ABCA13: variants seen among roughly 807,000 people sequenced by gnomAD.
ABCA13 encodes ATP binding cassette subfamily A member 13.
A neutral mutation model predicts 478.7 loss-of-function variants in ABCA13; 476 were observed. The ratio of observed to expected loss-of-function variants is 0.99; its 90% CI spans 0.92 to 1.07. The LOEUF is 1.07. ABCA13 is among the 50% of genes least tolerant of loss of function. The probability of loss-of-function intolerance (pLI) is 0.00; values close to 1 mark genes in which losing one functional copy is unlikely to be tolerated. For synonymous variants in ABCA13, 2,252 were observed against 2,158.9 expected (o/e 1.04, Z -1.20); for missense variants, 6,060 against 5,910.6 (o/e 1.03, Z -0.83).
At position 48,245,878 on chromosome 7, in the gene ABCA13, G is replaced by A; in HGVS notation, c.1507G>A (p.Ala503Thr). 6.2e-7 allele frequency: 1 copy of A among 1,612,754 alleles called. No homozygotes were observed. The highest frequency in any genetic ancestry group is 8.5e-7 in the Non-Finnish European group (1 of 1,179,352). Reference sequence around the variant, plus strand: ...AATCTTTTAGATGTTGGCGAAGAATGCTGTCTGCCCGAATGGTCGTTTCTC... The same window carrying A: ...AATCTTTTAGATGTTGGCGAAGAATACTGTCTGCCCGAATGGTCGTTTCTC... Reference protein sequence around the residue: ...WELKQMLAKNAVCPNGRFSEK... With the variant: ...WELKQMLAKNTVCPNGRFSEK... The change falls in exon 13 of 62, where the codon GCT becomes ACT. Residue 503 changes from alanine (A) to threonine (T), a missense_variant. Physicochemically the swap from Ala to Thr is moderately conservative, Grantham distance 58. This residue lies in a region of ABCA13 where 4,423 missense variants were observed against 4,309.1 expected (regional missense o/e 1.03). Coordinates refer to ENST00000435803, the MANE Select transcript of ABCA13 (RefSeq NM_152701.5).
chr7:48,272,094 C>T lies in ABCA13; in HGVS notation c.2428C>T (p.His810Tyr), dbSNP rs764478145. Residue 810 changes from histidine (H) to tyrosine (Y), a missense_variant, in exon 17 of 62, where the codon CAC (histidine) becomes TAC (tyrosine). His to Tyr is a moderately conservative substitution (Grantham distance 83). Around this residue, in one of 3 missense-constraint regions of ABCA13, gnomAD observed 4,423 missense variants for 4,309.1 expected, o/e 1.03. Transcript: ENST00000435803. ...VIWKMQTLGS[H>Y]WIRKEPKNLL... ...TTGGAAAATGCAGACTCTCGGAAGT[C>T]ACTGGATAAGGAAGGAACCAAAAAA... 2 of 1,613,646 alleles carry T rather than the reference C, an allele frequency of 1.2e-6. No homozygotes were observed. Among genetic ancestry groups the T allele is most frequent in the Non-Finnish European group, 1.7e-6 (2 of 1,179,738 alleles).
chr7:48,216,284 C>A (rs1048427682), intron 3 of ABCA13, among the ~76,000 whole-genome samples: 1 of 152,250 alleles, frequency 6.6e-6, no homozygotes, highest in African/African-American at 2.4e-5. Flanking sequence ...TTGTAGCCAT[C>A]TAGGTGGATA....
At chr7:48,207,433 C>T (rs1180424943) in intron 3 of ABCA13, among the ~76,000 whole-genome samples, 2 of 152,058 alleles carry the variant, frequency 1.3e-5, no homozygotes, top group East Asian at 1.9e-4. Context: ...TACAAGAGTT[C>T]CTTTTTCCCA....
Position 48,530,690 on chromosome 7 carries a change from G to A in ABCA13, c.14354+2345G>A, listed in dbSNP as rs182089628. On this transcript the variant is annotated intron_variant, in intron 55 of 61. Coordinates refer to ENST00000435803, the MANE Select transcript of ABCA13 (RefSeq NM_152701.5). The stretch of plus-strand genomic sequence containing the variant: ...TTTGATTATGGCCATTCTTGCAGGA[G>A]TGAAGTGGTACCACATTGTGTTTTG... 2.3e-4 allele frequency among the ~76,000 whole-genome samples: 35 copies of A among 152,222 alleles called. No individual in the cohort carries two copies. The East Asian group carries it at 5.0e-3, about 22-fold the overall frequency.
chr7:48,305,751 A>G (rs957830450), intron 23 of ABCA13, among the ~76,000 whole-genome samples: 14 of 152,328 alleles, frequency 9.2e-5, no homozygotes, highest in African/African-American at 3.4e-4. Context: ...GATCATTGTC[A>G]TTTTTAAACC....
rs1563409461 is a variant in ABCA13 at position 48,538,099 on chromosome 7, C to CTTTTTTTTTTTTTTT, written c.14354+9754_14354+9755insTTTTTTTTTTTTTTT. On this transcript the variant is annotated intron_variant, in intron 55 of 61. Coordinates refer to ENST00000435803, the MANE Select transcript of ABCA13 (RefSeq NM_152701.5). ...ATCTTATTTTTTTCTTTCTTTCTTT[C>CTTTTTTTTTTTTTTT]CTTTTTTTTTTTTTTTTTTGAGGTG... 1.7e-5 allele frequency among the ~76,000 whole-genome samples: 2 copies of CTTTTTTTTTTTTTTT among 120,010 alleles called. 1 individual carries two copies. The highest frequency in any genetic ancestry group is 3.3e-5 in the Non-Finnish European group (2 of 60,078). The allele number at this position is 120,010 out of a possible 152,430, so 78.7% of individuals were successfully genotyped here.
intron 17 of ABCA13, among the ~76,000 whole-genome samples, chr7:48,277,736 C>A (rs555743696): frequency 1.3e-5 from 2 of 152,210 alleles, no homozygotes; most frequent in Admixed American, 6.5e-5. Context: ...ATGCTAACCA[C>A]TTTTCAGACA....
intron 42 of ABCA13, among the ~76,000 whole-genome samples, chr7:48,451,397 T>C (rs912726845): frequency 1.3e-5 from 2 of 152,204 alleles, no homozygotes; most frequent in Non-Finnish European, 1.5e-5. Flanking sequence ...AAAGGCGATC[T>C]GTATTTGTCT....
At chr7:48,448,333 C>T (rs1227023335) in intron 42 of ABCA13, among the ~76,000 whole-genome samples, 1 of 152,208 alleles carries the variant, frequency 6.6e-6, no homozygotes, top group East Asian at 1.9e-4. Flanking sequence ...GGTGCCTTGA[C>T]CAGGTAGTAT....
intron 27 of ABCA13, among the ~76,000 whole-genome samples, chr7:48,333,706 A>G (rs1220753119): frequency 6.6e-6 from 1 of 152,208 alleles, no homozygotes; most frequent in Non-Finnish European, 1.5e-5. Flanking sequence ...ATGCTGCAGT[A>G]TGAAAGGACA....
chr7:48,441,560 C>T (rs771765707), intron 42 of ABCA13, among the ~76,000 whole-genome samples: 6 of 152,238 alleles, frequency 3.9e-5, no homozygotes, highest in East Asian at 1.9e-4. Flanking sequence ...CTAGTAGCTC[C>T]GTAGAAATGA....
intron 43 of ABCA13, among the ~76,000 whole-genome samples, chr7:48,466,288 T>C (rs887135212): frequency 1.3e-5 from 2 of 152,214 alleles, no homozygotes; most frequent in Non-Finnish European, 2.9e-5. Context: ...TAGTGTCTTA[T>C]TGCTGATGGT....
intron 26 of ABCA13, among the ~76,000 whole-genome samples, chr7:48,314,832 G>A (rs192060946): frequency 6.6e-6 from 1 of 152,140 alleles, no homozygotes; most frequent in African/African-American, 2.4e-5. Flanking sequence ...AAGTGAATAT[G>A]CATGATAGGT....
chr7:48,609,307 AAT>A, intron 58 of ABCA13, among the ~76,000 whole-genome samples: 1 of 152,100 alleles, frequency 6.6e-6, no homozygotes, highest in African/African-American at 2.4e-5. Flanking sequence ...TTTCACATTA[AAT>A]ATATATATAT....
At chr7:48,238,779 G>T (rs892950215) in intron 8 of ABCA13, among the ~76,000 whole-genome samples, 1 of 152,184 alleles carries the variant, frequency 6.6e-6, no homozygotes, top group Admixed American at 6.5e-5. Context: ...CTGTGTTGAA[G>T]TTCATGTATA....
chr7:48,245,857 T>C lies in ABCA13; in HGVS notation c.1492-6T>C. ...TTACTCCTTCCCACTCTTATTAATCTTTTAGATGTTGGCGAAGAATGCTGT... is the reference window on the plus strand; with the variant it reads ...TTACTCCTTCCCACTCTTATTAATCCTTTAGATGTTGGCGAAGAATGCTGT... On this transcript the variant is annotated splice_polypyrimidine_tract_variant and splice_region_variant and intron_variant, in intron 12 of 61. Transcript: ENST00000435803. 6.2e-7 allele frequency: 1 copy of C among 1,609,672 alleles called. No individual in the cohort carries two copies. Among genetic ancestry groups the C allele is most frequent in the Non-Finnish European group, 8.5e-7 (1 of 1,177,712 alleles).
intron 19 of ABCA13, 151 bp from the exon 20 acceptor site, chr7:48,287,809 T>C: frequency 1.6e-6 from 1 of 635,638 alleles, no homozygotes; most frequent in Non-Finnish European, 2.7e-6. Context: ...AGGCACAGCT[T>C]TACCCTCATC....
chr7:48,509,592 T>C (rs1831502893), intron 50 of ABCA13, among the ~76,000 whole-genome samples: 1 of 152,218 alleles, frequency 6.6e-6, no homozygotes, highest in African/African-American at 2.4e-5. Context: ...TCTTGGTGAT[T>C]AAGGACAGGA....
Position 48,272,066 on chromosome 7 carries a change from G to C in ABCA13, c.2400G>C (p.Val800=). Residue 800 remains valine, a synonymous_variant, in exon 17 of 62, where the codon GTG becomes GTC. Transcript: ENST00000435803. ...AACTCTTGGAATTTGGCAACGAAGT[G>C]ATTTGGAAAATGCAGACTCTCGGAA... ...AQKLLEFGNE[V]IWKMQTLGSH... is the part of the protein sequence containing the mutation. 4 of 1,613,694 alleles carry C rather than the reference G, an allele frequency of 2.5e-6. No individual in the cohort carries two copies. In the South Asian group the frequency reaches 4.4e-5, roughly 18 times the overall value.
Sources: gnomAD v4.1 joint callset for allele counts (sites outside exome capture counted in the v4.1 genomes callset) on GRCh38, gnomAD v4.1.1 for gene constraint, gnomAD v4.1.1 regional missense constraint, MANE v1.5 for transcripts, NCBI Gene and HGNC (gene_info 2026-07-23, HGNC 2026-07-21) for gene names.